Variants in ADGRL2 observed in about 807,000 individuals in gnomAD.
ADGRL2 encodes adhesion G protein-coupled receptor L2, also known as calcium-independent alpha-latrotoxin receptor 2.
Under a neutral mutation model 157.4 loss-of-function variants are expected in ADGRL2, and 44 were observed. The observed-to-expected ratio is 0.28, with a 90% CI of 0.22 to 0.36. The LOEUF (loss-of-function observed/expected upper bound fraction) is 0.36, where lower values mean the gene tolerates loss of function less well. ADGRL2 is among the 10% of genes least tolerant of loss of function. ADGRL2 has a pLI of 1.00. For synonymous variants in ADGRL2, 585 were observed against 624.7 expected (o/e 0.94, Z 0.95); for missense variants, 1,510 against 1,768.9 (o/e 0.85, Z 2.63).
chr1:81,650,296 G>A (rs184558580), intron 3 of ADGRL2, among the ~76,000 whole-genome samples: 1 of 151,986 alleles, frequency 6.6e-6, no homozygotes, highest in East Asian at 1.9e-4. Context: ...TGTGGGCCGG[G>A]CCCCCTGGCT....
chr1:81,948,403 A>G (rs1650633393), intron 6 of ADGRL2, among the ~76,000 whole-genome samples: 1 of 152,188 alleles, frequency 6.6e-6, no homozygotes, highest in East Asian at 1.9e-4. Flanking sequence ...CACTAATTGT[A>G]GTATTAATAC....
At chr1:81,685,586 A>G (rs891952532) in intron 3 of ADGRL2, among the ~76,000 whole-genome samples, 2 of 152,180 alleles carry the variant, frequency 1.3e-5, no homozygotes, top group Non-Finnish European at 2.9e-5. Context: ...GCAAACAATG[A>G]CAGTCTGACT....
chr1:81,980,027 A>G, intron 18 of ADGRL2, 67 bp downstream of exon 18: 2 of 875,340 alleles, frequency 2.3e-6, no homozygotes, highest in Non-Finnish European at 3.7e-6. Flanking sequence ...CACAGGGAAC[A>G]CAGGGATTTC....
At chr1:81,764,008 A>G (rs1036111794) in intron 2 of ADGRL2, among the ~76,000 whole-genome samples, 1 of 151,922 alleles carries the variant, frequency 6.6e-6, no homozygotes, top group Non-Finnish European at 1.5e-5. Flanking sequence ...TGTATCAAAA[A>G]AACAACAACA....
intron 1 of ADGRL2, among the ~76,000 whole-genome samples, chr1:81,404,151 T>C (rs1397297959): frequency 6.6e-6 from 1 of 152,178 alleles, no homozygotes; most frequent in East Asian, 1.9e-4. Flanking sequence ...TAGTTAAATA[T>C]TAGTTCACTC....
intron 1 of ADGRL2, among the ~76,000 whole-genome samples, chr1:81,441,044 C>T (rs1296298771): frequency 2.0e-5 from 3 of 152,112 alleles, no homozygotes; most frequent in African/African-American, 4.8e-5. Flanking sequence ...CTCTCAATCC[C>T]TGTTTTGTGT....
intron 1 of ADGRL2, among the ~76,000 whole-genome samples, chr1:81,333,200 A>G (rs911493980): frequency 6.6e-6 from 1 of 152,176 alleles, no homozygotes; most frequent in Non-Finnish European, 1.5e-5. Flanking sequence ...CCAAAGAGAA[A>G]TACCCGGATC....
At position 81,985,313 on chromosome 1, in the gene ADGRL2, T is replaced by G. The variant is rs868449264; in HGVS notation, c.3466T>G (p.Phe1156Val). The change falls in exon 21 of 24, where the codon TTT becomes GTT. Residue 1156 changes from phenylalanine (F) to valine (V), a missense_variant. Coordinates refer to ENST00000686636, the MANE Select transcript of ADGRL2 (RefSeq NM_001366006.2). ...DTVRKQSESS[F>V]ISGDINSTST... ...TGTGAGAAAACAATCAGAATCTTCT[T>G]TTATCTCAGGTGACATCAATAGCAC... 3 of 1,607,978 alleles carry G rather than the reference T, an allele frequency of 1.9e-6. No homozygotes were observed. The highest frequency in any genetic ancestry group is 1.7e-4 in the Middle Eastern group (1 of 6,042).
intron 2 of ADGRL2, among the ~76,000 whole-genome samples, chr1:81,521,594 A>G (rs1253616606): frequency 6.6e-6 from 1 of 152,208 alleles, no homozygotes. Context: ...ATATATAGCC[A>G]TGAAGCAGAG....
chr1:81,673,461 A>G (rs1299534108), intron 3 of ADGRL2, among the ~76,000 whole-genome samples: 1 of 150,078 alleles, frequency 6.7e-6, no homozygotes, highest in Admixed American at 6.6e-5. Context: ...GAGTTATCCT[A>G]TATATGCTAC....
intron 3 of ADGRL2, among the ~76,000 whole-genome samples, chr1:81,683,373 T>C (rs977141336): frequency 6.6e-6 from 1 of 152,186 alleles, no homozygotes; most frequent in Non-Finnish European, 1.5e-5. Context: ...TGGTGATTTG[T>C]GAGATTTTGG....
chr1:81,487,106 AAAAG>A (rs942721504), intron 2 of ADGRL2, among the ~76,000 whole-genome samples: 1 of 144,004 alleles, frequency 6.9e-6, no homozygotes, highest in African/African-American at 2.6e-5. Flanking sequence ...AAAAAAAAAA[AAAAG>A]AAAGTAAATC....
intron 2 of ADGRL2, among the ~76,000 whole-genome samples, chr1:81,876,366 T>C (rs1386292671): frequency 6.6e-6 from 1 of 152,126 alleles, no homozygotes; most frequent in African/African-American, 2.4e-5. Flanking sequence ...CCAACATTTG[T>C]TTTTATGGTA....
chr1:81,861,109 C>T (rs1037554773), intron 2 of ADGRL2, among the ~76,000 whole-genome samples: 8 of 151,300 alleles, frequency 5.3e-5, no homozygotes, highest in African/African-American at 1.5e-4. Flanking sequence ...CTCCACCTAC[C>T]GGGTGGGTTC....
chr1:81,782,850 C>T (rs113805958), intron 2 of ADGRL2, among the ~76,000 whole-genome samples: 1,711 of 152,192 alleles, frequency 0.011, 30 homozygotes, highest in African/African-American at 0.037. Context: ...ATCTTTGTAG[C>T]CAAAGTGAAA....
At chr1:81,693,789 C>T (rs1404963537) in intron 3 of ADGRL2, among the ~76,000 whole-genome samples, 3 of 152,104 alleles carry the variant, frequency 2.0e-5, no homozygotes, top group Non-Finnish European at 4.4e-5. Context: ...CAGCAGGAGA[C>T]AAATCAGTGG....
intron 1 of ADGRL2, among the ~76,000 whole-genome samples, chr1:81,328,665 G>A (rs573058274): frequency 6.6e-6 from 1 of 152,178 alleles, no homozygotes; most frequent in East Asian, 1.9e-4. Context: ...AGATAAAGAA[G>A]ACTGTAGAGA....
At chr1:81,567,290 A>C (rs996463175) in intron 2 of ADGRL2, among the ~76,000 whole-genome samples, 2 of 152,098 alleles carry the variant, frequency 1.3e-5, no homozygotes, top group Non-Finnish European at 2.9e-5. Context: ...CTTCAGTCAC[A>C]CTAGCCACAT....
intron 10 of ADGRL2, among the ~76,000 whole-genome samples, chr1:81,955,059 TTAAC>T (rs1237184866): frequency 6.6e-6 from 1 of 152,238 alleles, no homozygotes; most frequent in Non-Finnish European, 1.5e-5. Context: ...CTTCAGTTGA[TTAAC>T]TGAGTTATAT....
Sources: allele counts gnomAD v4.1 joint callset (sites outside exome capture counted in the v4.1 genomes callset), GRCh38; gene constraint gnomAD v4.1.1; transcripts MANE v1.5; gene names NCBI Gene and HGNC (gene_info 2026-07-23, HGNC 2026-07-21).